RALYL: variants seen among roughly 807,000 people sequenced by gnomAD.
The protein encoded by RALYL is RALY RNA binding protein like.
A neutral mutation model predicts 35.1 loss-of-function variants in RALYL; 29 were observed. That is an observed-to-expected ratio of 0.83 (90% confidence interval 0.61 to 1.13). The LOEUF (loss-of-function observed/expected upper bound fraction) is 1.13, where lower values mean the gene tolerates loss of function less well. Among genes scored for constraint, RALYL ranks in the 50% most tolerant of loss-of-function variants. RALYL has a pLI of 0.00. For missense variants in RALYL, 359 were observed against 360.4 expected (o/e 1.00, Z 0.03); for synonymous variants, 120 against 127.6 (o/e 0.94, Z 0.40).
intron 2 of RALYL, among the ~76,000 whole-genome samples, chr8:84,683,756 G>A (rs1015920575): frequency 1.2e-4 from 18 of 152,012 alleles, no homozygotes; most frequent in Non-Finnish European, 1.8e-4. Context: ...GCACAATCCC[G>A]GTTCACTGCA....
intron 1 of RALYL, among the ~76,000 whole-genome samples, chr8:84,265,422 G>C (rs1327382722): frequency 6.6e-6 from 1 of 152,206 alleles, no homozygotes; most frequent in East Asian, 1.9e-4. Context: ...CTAGATGCAG[G>C]AAAGGGCCCT....
At chr8:84,243,211 G>T (rs1198756132) in intron 1 of RALYL, among the ~76,000 whole-genome samples, 2 of 152,086 alleles carry the variant, frequency 1.3e-5, no homozygotes, top group African/African-American at 4.8e-5. Flanking sequence ...ATGCTGTTTG[G>T]TTACTGTAGC....
At position 84,649,528 on chromosome 8, in the gene RALYL, T is replaced by G. The variant is rs187894634; in HGVS notation, c.256+119951T>G. Among the ~76,000 whole-genome samples, 660 of 152,216 alleles carry G rather than the reference T, an allele frequency of 4.3e-3. 5 individuals are homozygous for G. The highest frequency in any genetic ancestry group is 0.015 in the African/African-American group (639 of 41,544). On this transcript the variant is annotated intron_variant, in intron 2 of 8. Coordinates refer to ENST00000521268, the MANE Select transcript of RALYL (RefSeq NM_173848.7). ...AGCCAGTTTTCCCAGCACCATTTAT[T>G]AAATAGGGAATCCTTTCCCCATTGC...
chr8:84,859,225 G>C (rs1339269098), intron 5 of RALYL, among the ~76,000 whole-genome samples: 1 of 152,138 alleles, frequency 6.6e-6, no homozygotes, highest in East Asian at 1.9e-4. Context: ...AGTCCGATTG[G>C]TTGCGGGAGG....
intron 2 of RALYL, chr8:84,706,189 C>A: frequency 1.2e-6 from 1 of 838,004 alleles, no homozygotes; most frequent in Non-Finnish European, 1.8e-6. Context: ...GCTTTTCTCA[C>A]CCTAACCTTT....
chr8:84,555,870 T>C (rs1048498972), intron 2 of RALYL, among the ~76,000 whole-genome samples: 14 of 152,202 alleles, frequency 9.2e-5, no homozygotes, highest in Non-Finnish European at 1.9e-4. Context: ...AATAATAATA[T>C]GGAAATTTGC....
chr8:84,225,831 A>G (rs1382701275), intron 1 of RALYL, among the ~76,000 whole-genome samples: 2 of 152,230 alleles, frequency 1.3e-5, no homozygotes, highest in Non-Finnish European at 2.9e-5. Flanking sequence ...ATGAAGACAG[A>G]AACTATGTAT....
intron 2 of RALYL, among the ~76,000 whole-genome samples, chr8:84,589,298 G>T (rs1812706838): frequency 6.6e-6 from 1 of 152,182 alleles, no homozygotes; most frequent in South Asian, 2.1e-4. Flanking sequence ...TAAACATATG[G>T]ATAGGAGAAA....
chr8:84,880,571 A>T (rs952253320), intron 7 of RALYL, among the ~76,000 whole-genome samples: 10 of 151,458 alleles, frequency 6.6e-5, no homozygotes, highest in African/African-American at 2.4e-4. Flanking sequence ...CCTTCCCTCT[A>T]TTTTCCTAAA....
chr8:84,614,775 C>CTTTTTTTTTTTTTTTT (rs75967490), intron 2 of RALYL, among the ~76,000 whole-genome samples: 1 of 128,876 alleles, frequency 7.8e-6, no homozygotes, highest in Non-Finnish European at 1.6e-5. Flanking sequence ...CCCTTCTTTC[C>CTTTTTTTTTTTTTTTT]TTTTTTTTTT....
chr8:84,355,959 G>C (rs1851741589), intron 1 of RALYL, among the ~76,000 whole-genome samples: 1 of 149,998 alleles, frequency 6.7e-6, no homozygotes, highest in Admixed American at 6.6e-5. Context: ...GGATCATGGG[G>C]GTGGATTTCC....
chr8:84,420,364 A>G (rs2045361115), intron 1 of RALYL, among the ~76,000 whole-genome samples: 1 of 152,018 alleles, frequency 6.6e-6, no homozygotes, highest in South Asian at 2.1e-4. Flanking sequence ...GTGTCTGTTC[A>G]TGTCCTTCAC....
chr8:84,195,214 G>T (rs542099604), intron 1 of RALYL, among the ~76,000 whole-genome samples: 5 of 152,024 alleles, frequency 3.3e-5, no homozygotes, highest in African/African-American at 1.2e-4. Flanking sequence ...ATTTGTCGGG[G>T]ATCTATTATA....
chr8:84,402,846 C>T (rs946198852), intron 1 of RALYL, among the ~76,000 whole-genome samples: 9 of 151,952 alleles, frequency 5.9e-5, no homozygotes, highest in African/African-American at 1.2e-4. Context: ...TTTTAATGAT[C>T]GCCATTCTAA....
At chr8:84,779,620 A>G (rs1817626643) in intron 3 of RALYL, among the ~76,000 whole-genome samples, 1 of 152,222 alleles carries the variant, frequency 6.6e-6, no homozygotes, top group Admixed American at 6.5e-5. Flanking sequence ...AGAGTCTTTA[A>G]GATTGTCAGA....
intron 1 of RALYL, among the ~76,000 whole-genome samples, chr8:84,228,689 T>C (rs1824569524): frequency 6.6e-6 from 1 of 152,178 alleles, no homozygotes; most frequent in Non-Finnish European, 1.5e-5. Context: ...TACCTGAGTC[T>C]GGGTAATTCA....
intron 2 of RALYL, among the ~76,000 whole-genome samples, chr8:84,768,962 G>A (rs1341091385): frequency 6.6e-6 from 1 of 152,122 alleles, no homozygotes; most frequent in Non-Finnish European, 1.5e-5. Context: ...CAGAATCACT[G>A]ACAGTATATT....
chr8:84,418,792 A>G (rs1218954384), intron 1 of RALYL, among the ~76,000 whole-genome samples: 1 of 152,106 alleles, frequency 6.6e-6, no homozygotes, highest in Non-Finnish European at 1.5e-5. Flanking sequence ...AGTTCAGTTG[A>G]TTCACTGTTT....
At chr8:84,814,085 GTTC>G (rs1826574200) in intron 4 of RALYL, among the ~76,000 whole-genome samples, 1 of 151,982 alleles carries the variant, frequency 6.6e-6, no homozygotes, top group Admixed American at 6.6e-5. Flanking sequence ...CAAGCTTCAG[GTTC>G]TTGTTTGTGA....
Sources: allele counts gnomAD v4.1 joint callset (sites outside exome capture counted in the v4.1 genomes callset), GRCh38; gene constraint gnomAD v4.1.1; transcripts MANE v1.5; gene names NCBI Gene and HGNC (gene_info 2026-07-23, HGNC 2026-07-21).